The following SDK2 variants were observed in gnomAD, a reference collection of about 807,000 sequenced individuals.
SDK2 encodes the protein sidekick cell adhesion molecule 2.
In SDK2, 105 loss-of-function variants were observed where a neutral mutation model predicts 253.9. The observed-to-expected ratio is 0.41, with a 90% CI of 0.35 to 0.49. SDK2 has a LOEUF of 0.49. Ranked by LOEUF, SDK2 falls within the 20% of genes least tolerant of loss-of-function variation. The pLI, the probability that SDK2 is intolerant of heterozygous loss-of-function variation, is 0.06. For missense variants in SDK2, 2,608 were observed against 3,003.0 expected (o/e 0.87, Z 3.07); for synonymous variants, 1,249 against 1,234.9 (o/e 1.01, Z -0.24).
Position 73,435,365 on chromosome 17 carries a change from C to T in SDK2, c.1195+85G>A, listed in dbSNP as rs1266930947. ...TCTGCTTAATGGAACGTGCTATGCA[C>T]AAGAGGCCCCTCGGAAGACCTTGGA... On this transcript the variant is annotated intron_variant, in intron 9 of 44. Coordinates refer to ENST00000392650, the MANE Select transcript of SDK2 (RefSeq NM_001144952.2). The surrounding 1 kb of genome is among the most constrained non-coding windows in gnomAD (Gnocchi z 5.7). 5 of 1,351,350 alleles carry T rather than the reference C, an allele frequency of 3.7e-6. No individual in the cohort carries two copies. The African/African-American group carries it at 4.4e-5, about 12-fold the overall frequency. 83.7% of individuals were successfully genotyped at this position (1,351,350 alleles called of 1,614,324 possible). A position where few individuals can be genotyped will look rare whatever the true frequency, so the allele number is the denominator to read the frequency against.
chr17:73,568,963 C>T (rs1375366920), intron 1 of SDK2, among the ~76,000 whole-genome samples: 1 of 152,182 alleles, frequency 6.6e-6, no homozygotes, highest in Non-Finnish European at 1.5e-5. Flanking sequence ...TGAAAAAGCA[C>T]CTATTATGTG....
intron 40 of SDK2, 102 bp downstream of exon 40, chr17:73,357,977 C>T: frequency 6.4e-7 from 1 of 1,558,618 alleles, no homozygotes; most frequent in South Asian, 1.1e-5. Context: ...AGCACAAGCG[C>T]CTTCTCAGGC....
At chr17:73,578,353 C>T (rs980906965) in intron 1 of SDK2, among the ~76,000 whole-genome samples, 1 of 152,208 alleles carries the variant, frequency 6.6e-6, no homozygotes, top group Non-Finnish European at 1.5e-5. Context: ...GCGTGAGCCA[C>T]CACACCCAGC....
At chr17:73,416,458 T>A (rs2063183365) in intron 16 of SDK2, among the ~76,000 whole-genome samples, 1 of 152,090 alleles carries the variant, frequency 6.6e-6, no homozygotes, top group South Asian at 2.1e-4. Flanking sequence ...CACTTCAGCC[T>A]CCCAAAGTGC....
intron 12 of SDK2, among the ~76,000 whole-genome samples, 180 bp from the exon 13 acceptor site, chr17:73,424,272 A>G (rs909666143): frequency 6.6e-6 from 1 of 152,172 alleles, no homozygotes; most frequent in African/African-American, 2.4e-5. Context: ...AACAGTCTGG[A>G]AGCCCATCGT....
chr17:73,397,814 C>A (rs1212291842), intron 24 of SDK2, among the ~76,000 whole-genome samples: 4 of 152,250 alleles, frequency 2.6e-5, no homozygotes, highest in Admixed American at 2.6e-4. Context: ...AAATGCTTGC[C>A]ACTTGGCGAT....
In SDK2 at chr17:73,629,919, T is replaced by C. The variant is rs529176387; in HGVS notation, c.64+14106A>G. On this transcript the variant is annotated intron_variant, in intron 1 of 44. Coordinates refer to ENST00000392650, the MANE Select transcript of SDK2 (RefSeq NM_001144952.2). The surrounding 1 kb of genome is among the most constrained non-coding windows in gnomAD (Gnocchi z 5.0). Reference sequence around the variant, plus strand: ...GCTCTGGGCTGGATTTTCTTTCCTTTTCTTTTAAGTCAGGACAGGAGGGGC... The same window carrying C: ...GCTCTGGGCTGGATTTTCTTTCCTTCTCTTTTAAGTCAGGACAGGAGGGGC... Among the ~76,000 whole-genome samples the C allele has an allele frequency of 2.6e-5, 4 of 152,232 alleles. No homozygotes were observed. Among genetic ancestry groups the C allele is most frequent in the African/African-American group, 9.6e-5 (4 of 41,524 alleles).
At position 73,383,190 on chromosome 17, in the gene SDK2, C is replaced by G. The variant is rs1238008120; in HGVS notation, c.4705+686G>C. On this transcript the variant is annotated intron_variant, in intron 33 of 44. Transcript: ENST00000392650. This position sits in a 1 kb window ranked among gnomAD's most constrained non-coding sequence, Gnocchi z 4.3. ...ACAGCCTCTATCTGGGCGCCTGCCTCTGGCTCTCCATCCTCCCACCATGGC... is the reference window on the plus strand; with the variant it reads ...ACAGCCTCTATCTGGGCGCCTGCCTGTGGCTCTCCATCCTCCCACCATGGC... Among the ~76,000 whole-genome samples, 4 of 152,246 alleles carry G rather than the reference C, an allele frequency of 2.6e-5. No homozygotes were observed. The highest frequency in any genetic ancestry group is 5.9e-5 in the Non-Finnish European group (4 of 68,046).
chr17:73,391,606 G>C (rs1485559929), intron 27 of SDK2, 68 bp from the exon 28 acceptor site: 6 of 835,730 alleles, frequency 7.2e-6, no homozygotes, highest in Non-Finnish European at 9.8e-6. Flanking sequence ...AGCCCAGCTC[G>C]GGCAGAGCAG....
At chr17:73,450,727 C>T (rs1362025251) in intron 4 of SDK2, among the ~76,000 whole-genome samples, 5 of 152,204 alleles carry the variant, frequency 3.3e-5, no homozygotes, top group African/African-American at 1.2e-4. Flanking sequence ...TGACTTTGCC[C>T]TCCAGGGATG....
At position 73,368,569 on chromosome 17, in the gene SDK2, C is replaced by T. The variant is rs1405128630; in HGVS notation, c.5005G>A (p.Gly1669Arg). The T allele has an allele frequency of 2.5e-6, 4 of 1,594,624 alleles. No individual in the cohort carries two copies. Among genetic ancestry groups the T allele is most frequent in the Admixed American group, 1.8e-5 (1 of 56,572 alleles). ...GTCTTCACTCGCTCTGTGAGGTTCC[C>T]CCGCTGGGCTTCCCAGAAATAAATC... ...YKIYFWEAQR[G>R]NLTERVKTLF... is the part of the protein sequence containing the mutation. The change falls in exon 37 of 45, where the codon GGG becomes AGG. Residue 1669 changes from glycine (G) to arginine (R), a missense_variant. By Grantham distance (125) the Gly-to-Arg change is moderately radical (BLOSUM62 -2). Coordinates refer to ENST00000392650, the MANE Select transcript of SDK2 (RefSeq NM_001144952.2).
At chr17:73,350,027 A>T (rs1249406223) in intron 43 of SDK2, among the ~76,000 whole-genome samples, 1 of 152,076 alleles carries the variant, frequency 6.6e-6, no homozygotes, top group Non-Finnish European at 1.5e-5. Context: ...CCAGGCTGTG[A>T]TTGGGCATGG....
At chr17:73,356,023 G>A (rs889076431) in intron 40 of SDK2, among the ~76,000 whole-genome samples, 23 of 152,186 alleles carry the variant, frequency 1.5e-4, no homozygotes, top group African/African-American at 5.3e-4. Context: ...CAAATCCACA[G>A]CAATGGCGAG....
chr17:73,368,042 T>C (rs1287182841), intron 37 of SDK2, among the ~76,000 whole-genome samples: 2 of 152,076 alleles, frequency 1.3e-5, no homozygotes, highest in Non-Finnish European at 2.9e-5. Context: ...CACTCAGTAT[T>C]TGTGGAATGA....
chr17:73,483,382 G>A (rs991744170), intron 2 of SDK2, among the ~76,000 whole-genome samples: 1 of 139,004 alleles, frequency 7.2e-6, no homozygotes, highest in East Asian at 2.1e-4. Context: ...GCGCGATCTC[G>A]GCTCACTGCA....
intron 4 of SDK2, among the ~76,000 whole-genome samples, chr17:73,449,141 G>T (rs1385739638): frequency 1.3e-5 from 2 of 152,212 alleles, no homozygotes; most frequent in East Asian, 3.9e-4. Flanking sequence ...AGGGAAAAGG[G>T]GCTTGTCCAA....
chr17:73,356,916 G>A (rs1415817303), intron 40 of SDK2, among the ~76,000 whole-genome samples: 1 of 152,192 alleles, frequency 6.6e-6, no homozygotes. Flanking sequence ...CCAGAGTCAG[G>A]GGCCAACATT....
chr17:73,474,240 A>T (rs1373692970), intron 2 of SDK2, among the ~76,000 whole-genome samples: 2 of 152,216 alleles, frequency 1.3e-5, no homozygotes, highest in Non-Finnish European at 2.9e-5. Flanking sequence ...ACAGTTGCAA[A>T]CTGTCATCAG....
In SDK2 at chr17:73,407,931, A is replaced by G. The variant is rs567468411; in HGVS notation, c.2485-5790T>C. Among the ~76,000 whole-genome samples, 3 of 152,296 alleles carry G rather than the reference A, an allele frequency of 2.0e-5. No homozygotes were observed. The South Asian group carries it at 6.2e-4, about 32-fold the overall frequency. On this transcript the variant is annotated intron_variant, in intron 18 of 44. Coordinates refer to ENST00000392650, the MANE Select transcript of SDK2 (RefSeq NM_001144952.2). ...TGCCTATCCCCATATTATAACCCTTATTGAAATGATAGCTCATAGATGACT... is the reference window on the plus strand; with the variant it reads ...TGCCTATCCCCATATTATAACCCTTGTTGAAATGATAGCTCATAGATGACT...
Sources: gnomAD v4.1 joint callset for allele counts (sites outside exome capture counted in the v4.1 genomes callset) on GRCh38, gnomAD v4.1.1 for gene constraint, Gnocchi (gnomAD v3.1) non-coding constraint, MANE v1.5 for transcripts, NCBI Gene and HGNC (gene_info 2026-07-23, HGNC 2026-07-21) for gene names.